RSRC1: variants seen among roughly 807,000 people sequenced by gnomAD.
RSRC1 encodes arginine and serine rich coiled-coil 1.
Under a neutral mutation model 49.1 loss-of-function variants are expected in RSRC1, and 39 were observed. That is an observed-to-expected ratio of 0.79 (90% CI 0.61 to 1.04). The LOEUF (loss-of-function observed/expected upper bound fraction) is 1.04. Ranked by LOEUF, RSRC1 falls within the 50% of genes least tolerant of loss-of-function variation. The pLI, the probability that RSRC1 is intolerant of heterozygous loss-of-function variation, is 0.00. For synonymous variants in RSRC1, 143 were observed against 130.8 expected, an observed-to-expected ratio of 1.09 and a Z score of -0.63; for missense variants, 388 against 402.4, an observed-to-expected ratio of 0.96 and a Z score of 0.31.
At chr3:158,228,039 C>T (rs1016876785) in intron 4 of RSRC1, among the ~76,000 whole-genome samples, 1 of 151,908 alleles carries the variant, frequency 6.6e-6, no homozygotes, top group Non-Finnish European at 1.5e-5. Flanking sequence ...TATCATACTT[C>T]CCCAACATAT....
chr3:158,305,239 G>T (rs1727771602), intron 5 of RSRC1, among the ~76,000 whole-genome samples: 1 of 151,896 alleles, frequency 6.6e-6, no homozygotes, highest in Non-Finnish European at 1.5e-5. Flanking sequence ...AGGGGAAATG[G>T]TGGCAGGCTA....
intron 4 of RSRC1, among the ~76,000 whole-genome samples, chr3:158,265,021 C>G (rs564736994): frequency 2.0e-5 from 3 of 152,330 alleles, no homozygotes; most frequent in African/African-American, 7.2e-5. Context: ...GTCTGCCATA[C>G]ACACTCTGTC....
chr3:158,262,389 A>G (rs1412824221), intron 4 of RSRC1, among the ~76,000 whole-genome samples: 1 of 152,182 alleles, frequency 6.6e-6, no homozygotes, highest in Non-Finnish European at 1.5e-5. Context: ...ACAAGAGTAT[A>G]TTGAATTGCC....
chr3:158,177,926 A>C (rs1719334023), intron 3 of RSRC1, among the ~76,000 whole-genome samples: 1 of 152,176 alleles, frequency 6.6e-6, no homozygotes, highest in Non-Finnish European at 1.5e-5. Flanking sequence ...CATTGACTCT[A>C]CAGATTAGTA....
intron 6 of RSRC1, among the ~76,000 whole-genome samples, chr3:158,389,719 G>T (rs536821269): frequency 7.2e-5 from 11 of 152,242 alleles, no homozygotes; most frequent in African/African-American, 2.4e-4. Flanking sequence ...GTATAATTAG[G>T]TTCCAAGCTC....
intron 6 of RSRC1, among the ~76,000 whole-genome samples, chr3:158,392,754 G>T (rs182502296): frequency 2.0e-5 from 3 of 151,932 alleles, no homozygotes; most frequent in Admixed American, 2.0e-4. Context: ...CTTGCTTGAC[G>T]TTACTGGACA....
intron 4 of RSRC1, among the ~76,000 whole-genome samples, chr3:158,262,687 G>T (rs144111302): frequency 6.6e-6 from 1 of 151,838 alleles, no homozygotes; most frequent in African/African-American, 2.4e-5. Flanking sequence ...CTCTTTTAGC[G>T]CAGTAACAAG....
At chr3:158,241,756 T>C (rs1415891681) in intron 4 of RSRC1, among the ~76,000 whole-genome samples, 1 of 151,952 alleles carries the variant, frequency 6.6e-6, no homozygotes, top group Non-Finnish European at 1.5e-5. Flanking sequence ...TGGCTCATAG[T>C]TTAGTTTAAT....
At chr3:158,408,494 A>G (rs1381180347) in intron 6 of RSRC1, among the ~76,000 whole-genome samples, 1 of 152,210 alleles carries the variant, frequency 6.6e-6, no homozygotes, top group African/African-American at 2.4e-5. Context: ...CTCACGTTAT[A>G]GCTAAGGAAT....
At chr3:158,372,872 A>G (rs1732158363) in intron 6 of RSRC1, among the ~76,000 whole-genome samples, 1 of 151,754 alleles carries the variant, frequency 6.6e-6, no homozygotes, top group Admixed American at 6.6e-5. Context: ...TATTTCTTTT[A>G]TCAGAGATTT....
intron 4 of RSRC1, among the ~76,000 whole-genome samples, chr3:158,240,985 T>C (rs979801130): frequency 3.9e-5 from 6 of 152,002 alleles, no homozygotes; most frequent in African/African-American, 1.5e-4. Context: ...TATTTTCTTA[T>C]TAGTTATTGT....
intron 7 of RSRC1, among the ~76,000 whole-genome samples, chr3:158,468,589 C>T (rs893293154): frequency 2.6e-5 from 4 of 152,104 alleles, no homozygotes; most frequent in African/African-American, 9.7e-5. Flanking sequence ...GTTGCCTCCT[C>T]TATAAAATGA....
At chr3:158,149,942 T>C (rs1182255264) in intron 3 of RSRC1, among the ~76,000 whole-genome samples, 1 of 152,352 alleles carries the variant, frequency 6.6e-6, no homozygotes, top group Non-Finnish European at 1.5e-5. Context: ...TGTTTTATTC[T>C]CATTAAAATG....
At chr3:158,508,170 A>AATT (rs1739957178) in intron 7 of RSRC1, among the ~76,000 whole-genome samples, 2 of 152,058 alleles carry the variant, frequency 1.3e-5, no homozygotes, top group African/African-American at 4.8e-5. Context: ...TTCAATGAGG[A>AATT]TAGTTTAAAT....
chr3:158,285,462 T>G (rs957216656), intron 4 of RSRC1, among the ~76,000 whole-genome samples: 1 of 152,366 alleles, frequency 6.6e-6, no homozygotes, highest in East Asian at 1.9e-4. Flanking sequence ...GGGATGGCAT[T>G]GAATCTATAA....
At chr3:158,146,441 G>T (rs1409470507) in intron 3 of RSRC1, among the ~76,000 whole-genome samples, 4 of 152,130 alleles carry the variant, frequency 2.6e-5, no homozygotes, top group Non-Finnish European at 5.9e-5. Flanking sequence ...TTATTGATTT[G>T]CGTATGTTGA....
intron 5 of RSRC1, among the ~76,000 whole-genome samples, chr3:158,307,273 A>G (rs768415621): frequency 6.6e-6 from 1 of 151,964 alleles, no homozygotes; most frequent in African/African-American, 2.4e-5. Flanking sequence ...GTGCACTGGC[A>G]CTTAACCTTT....
intron 3 of RSRC1, among the ~76,000 whole-genome samples, chr3:158,191,695 C>G (rs937556306): frequency 9.9e-5 from 15 of 151,932 alleles, no homozygotes; most frequent in African/African-American, 3.6e-4. Context: ...CTTTGGTACT[C>G]TAGAGACTTC....
chr3:158,322,605 C>G (rs1462558388), intron 5 of RSRC1, among the ~76,000 whole-genome samples: 1 of 152,168 alleles, frequency 6.6e-6, no homozygotes, highest in East Asian at 1.9e-4. Flanking sequence ...TCTTGGAGTT[C>G]ATTGGTCTTC....
Sources: allele counts gnomAD v4.1 joint callset (sites outside exome capture counted in the v4.1 genomes callset), GRCh38; gene constraint gnomAD v4.1.1; transcripts MANE v1.5; gene names NCBI Gene and HGNC (gene_info 2026-07-23, HGNC 2026-07-21).